Variants in MACROD2 observed in about 807,000 individuals in gnomAD.
The protein encoded by MACROD2 is mono-ADP ribosylhydrolase 2.
MACROD2 carries 36 observed loss-of-function variants against 70.4 expected under a neutral mutation model. The ratio of observed to expected loss-of-function variants is 0.51; its 90% CI spans 0.39 to 0.68. MACROD2 has a LOEUF of 0.68. MACROD2 is among the 30% of genes least tolerant of loss of function. The probability of loss-of-function intolerance (pLI) is 0.00; values close to 1 mark genes in which losing one functional copy is unlikely to be tolerated. For missense variants in MACROD2, 496 were observed against 538.4 expected (o/e 0.92, Z 0.78); for synonymous variants, 172 against 178.8 (o/e 0.96, Z 0.30).
At chr20:15,747,024 A>G (rs1489842950) in intron 8 of MACROD2, among the ~76,000 whole-genome samples, 1 of 152,168 alleles carries the variant, frequency 6.6e-6, no homozygotes, top group Non-Finnish European at 1.5e-5. Flanking sequence ...TATTGCTAAG[A>G]AAGTTCTAAA....
At chr20:14,454,111 A>G (rs2084273584) in intron 3 of MACROD2, among the ~76,000 whole-genome samples, 1 of 152,002 alleles carries the variant, frequency 6.6e-6, no homozygotes, top group South Asian at 2.1e-4. Flanking sequence ...TGTTTCTGGT[A>G]ATCTGCTGGA....
intron 5 of MACROD2, chr20:14,906,104 A>C (rs1055655242): frequency 6.6e-6 from 1 of 152,194 alleles, no homozygotes; most frequent in African/African-American, 2.4e-5. Flanking sequence ...ATGCCTTTAT[A>C]AGAGTAAAAC....
intron 6 of MACROD2, among the ~76,000 whole-genome samples, chr20:15,241,852 C>G (rs2146006847): frequency 6.6e-6 from 1 of 150,630 alleles, no homozygotes; most frequent in Non-Finnish European, 1.5e-5. Context: ...GAAACAAGGA[C>G]TCATAGAAAT....
intron 8 of MACROD2, among the ~76,000 whole-genome samples, chr20:15,684,376 A>T (rs1472463020): frequency 6.6e-6 from 1 of 152,206 alleles, no homozygotes; most frequent in East Asian, 1.9e-4. Context: ...ACCTAAAAGA[A>T]AATCCCCAGA....
At chr20:15,754,042 GA>G (rs1460896918) in intron 8 of MACROD2, among the ~76,000 whole-genome samples, 1 of 152,166 alleles carries the variant, frequency 6.6e-6, no homozygotes, top group Non-Finnish European at 1.5e-5. Flanking sequence ...AATGTAAAAA[GA>G]GAGAAGATAT....
chr20:15,421,234 C>T (rs2046223479), intron 6 of MACROD2, among the ~76,000 whole-genome samples: 1 of 151,920 alleles, frequency 6.6e-6, no homozygotes. Flanking sequence ...AAAAATTAAC[C>T]AGGTGTGGTG....
rs2077873977 is a variant in MACROD2 at position 15,321,600 on chromosome 20, A to G, written c.540+91539A>G. 1.4e-5 allele frequency among the ~76,000 whole-genome samples: 2 copies of G among 144,628 alleles called. 1 individual carries two copies. Among genetic ancestry groups the G allele is most frequent in the South Asian group, 4.5e-4 (2 of 4,418 alleles). 94.9% of individuals were successfully genotyped at this position (144,628 alleles called of 152,430 possible). On this transcript the variant is annotated intron_variant, in intron 6 of 17. Transcript: ENST00000684519. ...GGTAAAACAAATTAATCTCCAAGGAATGTTAATCAGACTAATTGCTAATTA... is the reference window on the plus strand; with the variant it reads ...GGTAAAACAAATTAATCTCCAAGGAGTGTTAATCAGACTAATTGCTAATTA...
At chr20:15,532,990 T>C (rs142886310) in intron 8 of MACROD2, among the ~76,000 whole-genome samples, 38 of 152,334 alleles carry the variant, frequency 2.5e-4, no homozygotes, top group Non-Finnish European at 4.9e-4. Flanking sequence ...CCTGTACTTG[T>C]TTAATTAATC....
chr20:15,114,217 C>T (rs537637903), intron 5 of MACROD2, among the ~76,000 whole-genome samples: 48 of 152,288 alleles, frequency 3.2e-4, no homozygotes, highest in African/African-American at 8.9e-4. Context: ...GTAGACACAC[C>T]GTAACCTGAC....
chr20:14,442,098 C>T (rs573684371), intron 3 of MACROD2, among the ~76,000 whole-genome samples: 1 of 152,068 alleles, frequency 6.6e-6, no homozygotes, highest in South Asian at 2.1e-4. Flanking sequence ...GGCGAAACCC[C>T]ATCTCTACAA....
chr20:15,431,864 T>TA (rs1191506904), intron 7 of MACROD2, among the ~76,000 whole-genome samples: 1 of 152,066 alleles, frequency 6.6e-6, no homozygotes, highest in Non-Finnish European at 1.5e-5. Context: ...TTTCAAATTT[T>TA]AAAAAAGTCC....
At chr20:14,157,793 T>G (rs1230943747) in intron 3 of MACROD2, among the ~76,000 whole-genome samples, 1 of 152,170 alleles carries the variant, frequency 6.6e-6, no homozygotes, top group Non-Finnish European at 1.5e-5. Flanking sequence ...TATTCCATTG[T>G]GTATAGCCAC....
intron 5 of MACROD2, among the ~76,000 whole-genome samples, chr20:14,859,534 C>T (rs1238999020): frequency 2.6e-5 from 4 of 152,108 alleles, no homozygotes; most frequent in Non-Finnish European, 5.9e-5. Context: ...TTCAATATTC[C>T]AAAAGATAAA....
chr20:15,464,156 C>T (rs575491137), intron 7 of MACROD2, among the ~76,000 whole-genome samples: 46 of 152,230 alleles, frequency 3.0e-4, no homozygotes, highest in East Asian at 9.7e-4. Flanking sequence ...TCAAGCAATC[C>T]GCATGCGCCA....
chr20:14,110,224 G>A (rs753872657), intron 3 of MACROD2, among the ~76,000 whole-genome samples: 5 of 151,754 alleles, frequency 3.3e-5, no homozygotes, highest in Non-Finnish European at 7.4e-5. Flanking sequence ...TAGAAGGAAC[G>A]TATCTCAACA....
At chr20:14,224,402 C>T (rs6110206) in intron 3 of MACROD2, among the ~76,000 whole-genome samples, 90,889 of 152,022 alleles carry the variant, frequency 0.6, 28,995 homozygotes, top group Non-Finnish European at 0.72. Flanking sequence ...TCAGTCTTGT[C>T]AACATTTTTA....
At chr20:15,900,475 C>A (rs1436598599) in intron 10 of MACROD2, among the ~76,000 whole-genome samples, 1 of 152,172 alleles carries the variant, frequency 6.6e-6, no homozygotes, top group Non-Finnish European at 1.5e-5. Context: ...ACCCAGTGGT[C>A]TATTTTCATT....
intron 5 of MACROD2, among the ~76,000 whole-genome samples, chr20:15,117,459 A>C (rs1025776160): frequency 2.0e-5 from 3 of 152,200 alleles, no homozygotes; most frequent in Non-Finnish European, 4.4e-5. Context: ...TCTCTTTTAC[A>C]TACATTCTAG....
chr20:15,485,348 A>C (rs534720951), intron 7 of MACROD2, among the ~76,000 whole-genome samples: 13 of 152,252 alleles, frequency 8.5e-5, no homozygotes, highest in African/African-American at 3.1e-4. Flanking sequence ...ATCAAAGTAA[A>C]TCTCTAACAT....
Sources: allele counts gnomAD v4.1 joint callset (sites outside exome capture counted in the v4.1 genomes callset), GRCh38; gene constraint gnomAD v4.1.1; transcripts MANE v1.5; gene names NCBI Gene and HGNC (gene_info 2026-07-23, HGNC 2026-07-21).